GRIP1: variants seen among roughly 807,000 people sequenced by gnomAD.
The protein encoded by GRIP1 is glutamate receptor interacting protein 1, also known as glutamate receptor-interacting protein 1.
A neutral mutation model predicts 129.9 loss-of-function variants in GRIP1; 45 were observed. The ratio of observed to expected loss-of-function variants is 0.35; its 90% CI spans 0.27 to 0.44. The LOEUF is 0.44. GRIP1 is among the 20% of genes least tolerant of loss of function. The pLI, the probability that GRIP1 is intolerant of heterozygous loss-of-function variation, is 1.00. For missense variants in GRIP1, 1,196 were observed against 1,396.8 expected (o/e 0.86, Z 2.29); for synonymous variants, 530 against 520.8 (o/e 1.02, Z -0.24).
At chr12:66,479,952 C>A (rs931157680) in intron 7 of GRIP1, among the ~76,000 whole-genome samples, 1 of 152,156 alleles carries the variant, frequency 6.6e-6, no homozygotes, top group African/African-American at 2.4e-5. Flanking sequence ...GACAAACCCA[C>A]AGCCAATATT....
At chr12:66,425,691 A>G (rs1444707090) in intron 14 of GRIP1, among the ~76,000 whole-genome samples, 1 of 152,208 alleles carries the variant, frequency 6.6e-6, no homozygotes, top group African/African-American at 2.4e-5. Flanking sequence ...ATGAAGCTGG[A>G]AACCATCATT....
chr12:67,033,073 A>G (rs2043045910), intron 1 of GRIP1, among the ~76,000 whole-genome samples: 1 of 151,966 alleles, frequency 6.6e-6, no homozygotes, highest in African/African-American at 2.4e-5. Flanking sequence ...AGCAATGGGT[A>G]TGGGTTGGAC....
At chr12:66,530,600 A>C (rs2061407019) in intron 4 of GRIP1, among the ~76,000 whole-genome samples, 1 of 152,174 alleles carries the variant, frequency 6.6e-6, no homozygotes, top group Non-Finnish European at 1.5e-5. Flanking sequence ...GTCAAGCTGC[A>C]ATCTCTAGTC....
chr12:66,486,374 A>C (rs1470304109), intron 7 of GRIP1, among the ~76,000 whole-genome samples: 1 of 152,074 alleles, frequency 6.6e-6, no homozygotes, highest in Non-Finnish European at 1.5e-5. Flanking sequence ...AGAATTTTTA[A>C]ATTTTTAAGG....
At chr12:66,508,471 A>G (rs1288644023) in intron 7 of GRIP1, among the ~76,000 whole-genome samples, 1 of 152,160 alleles carries the variant, frequency 6.6e-6, no homozygotes, top group Non-Finnish European at 1.5e-5. Context: ...AGTCACCAGG[A>G]AAGTATTACA....
chr12:66,852,567 T>C (rs903420003), intron 1 of GRIP1, among the ~76,000 whole-genome samples: 1 of 151,302 alleles, frequency 6.6e-6, no homozygotes, highest in South Asian at 2.1e-4. Flanking sequence ...TATATGTATA[T>C]GCATACAGGT....
At chr12:67,003,169 A>T (rs2042577129) in intron 1 of GRIP1, among the ~76,000 whole-genome samples, 1 of 151,910 alleles carries the variant, frequency 6.6e-6, no homozygotes, top group African/African-American at 2.4e-5. Context: ...GTATCATCTC[A>T]CCCTCTTTTC....
At chr12:66,596,772 T>G (rs1381547076) in intron 2 of GRIP1, 75 bp downstream of exon 2, 7 of 833,982 alleles carry the variant, frequency 8.4e-6, no homozygotes, top group Non-Finnish European at 1.5e-5. Flanking sequence ...TTTTACCAAG[T>G]TGGAATTATT....
chr12:66,929,452 C>T (rs1322849642), intron 1 of GRIP1, among the ~76,000 whole-genome samples: 1 of 152,168 alleles, frequency 6.6e-6, no homozygotes, highest in Non-Finnish European at 1.5e-5. Flanking sequence ...TGGCTTCCTC[C>T]CTCTTGAACA....
At chr12:66,744,461 T>C (rs2036884310) in intron 1 of GRIP1, among the ~76,000 whole-genome samples, 1 of 152,198 alleles carries the variant, frequency 6.6e-6, no homozygotes, top group Admixed American at 6.5e-5. Flanking sequence ...TCTTTCTCCA[T>C]GAATCCTCAG....
rs144158586 is a variant in GRIP1, at chr12:66,649,659, G to A, written c.55+29191C>T. Reference sequence around the variant, plus strand: ...CCCCAAGAGTGGCTGAAACACAGAGGAGAGGGAAATTACTTCTGTTTGATG... The same window carrying A: ...CCCCAAGAGTGGCTGAAACACAGAGAAGAGGGAAATTACTTCTGTTTGATG... On this transcript the variant is annotated intron_variant, in intron 1 of 24. Coordinates refer to ENST00000359742, the MANE Select transcript of GRIP1 (RefSeq NM_001366722.1). Among the ~76,000 whole-genome samples the A allele has an allele frequency of 4.2e-3, 638 of 152,318 alleles. 2 individuals are homozygous for A. The highest frequency in any genetic ancestry group is 6.6e-3 in the Non-Finnish European group (446 of 68,032).
At chr12:66,650,810 A>G (rs1356141811) in intron 1 of GRIP1, among the ~76,000 whole-genome samples, 1 of 152,150 alleles carries the variant, frequency 6.6e-6, no homozygotes, top group Non-Finnish European at 1.5e-5. Context: ...TCTATTGTCA[A>G]TGTAGAAAGG....
rs1488492679 is a variant in GRIP1 at position 66,377,052 on chromosome 12, C to G, written c.2743G>C (p.Asp915His). The change falls in exon 22 of 25, where the codon GAC becomes CAC. Residue 915 changes from aspartate to histidine, a missense_variant. By Grantham distance (81) the Asp-to-His change is moderately conservative. Transcript: ENST00000359742. ...ATGTTTCTCAAAGACACACGCCTGT[C>G]AGCTTTCTCCTGTGGAAAGGGTTAA... is the stretch of plus-strand genomic sequence containing the variant. ...GILRELEEKA[D>H]RRVSLRNMTL... The G allele has an allele frequency of 2.5e-6, 4 of 1,612,188 alleles. No homozygotes were observed. The African/African-American group carries it at 5.3e-5, about 22-fold the overall frequency.
At chr12:66,578,078 G>C (rs2063204172) in intron 2 of GRIP1, among the ~76,000 whole-genome samples, 1 of 152,122 alleles carries the variant, frequency 6.6e-6, no homozygotes, top group Admixed American at 6.6e-5. Flanking sequence ...AACAGGATGA[G>C]TGAAACTGCT....
chr12:66,894,652 G>T (rs1422514763), intron 1 of GRIP1, among the ~76,000 whole-genome samples: 2 of 152,022 alleles, frequency 1.3e-5, no homozygotes, highest in Middle Eastern at 6.3e-3. Flanking sequence ...GACTGCCAAG[G>T]CTCCTGAGCT....
intron 1 of GRIP1, among the ~76,000 whole-genome samples, chr12:66,672,884 A>T (rs1439737913): frequency 6.6e-6 from 1 of 152,194 alleles, no homozygotes; most frequent in East Asian, 1.9e-4. Context: ...ACAGATTAAG[A>T]AACTGAAATT....
intron 5 of GRIP1, among the ~76,000 whole-genome samples, chr12:66,527,908 C>T (rs2061310666): frequency 6.6e-6 from 1 of 151,694 alleles, no homozygotes; most frequent in Non-Finnish European, 1.5e-5. Flanking sequence ...GTACCCCAAG[C>T]CCCCATGACA....
chr12:66,371,108 G>A (rs936350462), intron 23 of GRIP1, among the ~76,000 whole-genome samples: 17 of 151,660 alleles, frequency 1.1e-4, no homozygotes, highest in African/African-American at 2.4e-4. Flanking sequence ...TGCAAGCTCC[G>A]TGTGACATTG....
At chr12:66,515,897 A>G (rs1485342805) in intron 6 of GRIP1, 133 bp from the exon 7 acceptor site, 3 of 745,140 alleles carry the variant, frequency 4.0e-6, no homozygotes, top group Non-Finnish European at 7.3e-6. Context: ...TTTAAGCATC[A>G]AATGTGACAG....
Sources: gnomAD v4.1 joint callset for allele counts (sites outside exome capture counted in the v4.1 genomes callset) on GRCh38, gnomAD v4.1.1 for gene constraint, MANE v1.5 for transcripts, NCBI Gene and HGNC (gene_info 2026-07-23, HGNC 2026-07-21) for gene names.